DCX: variants seen among roughly 807,000 people sequenced by gnomAD.
The protein encoded by DCX is doublecortin, also known as neuronal migration protein doublecortin.
Under a neutral mutation model 20.9 loss-of-function variants are expected in DCX, and 4 were observed. That is an observed-to-expected ratio of 0.19 (90% CI 0.09 to 0.44). DCX has a LOEUF of 0.44. DCX is among the 20% of genes least tolerant of loss of function. The probability of loss-of-function intolerance (pLI) is 0.99; values close to 1 mark genes in which losing one functional copy is unlikely to be tolerated. For synonymous variants in DCX, 103 were observed against 111.4 expected (o/e 0.92, Z 0.47); for missense variants, 133 against 296.9 (o/e 0.45, Z 4.06).
intron 5 of DCX, among the ~76,000 whole-genome samples, chrX:111,315,043 A>G (rs1190063234): frequency 1.8e-5 from 2 of 108,873 alleles, no homozygotes; most frequent in South Asian, 4.0e-4. Context: ...GCCCACGCCT[A>G]TGTCCTGAAT....
chrX:111,359,966 G>A (rs939477874), intron 3 of DCX, among the ~76,000 whole-genome samples: 4 of 111,746 alleles, frequency 3.6e-5, no homozygotes, highest in Non-Finnish European at 5.7e-5. Flanking sequence ...GGAAAATACC[G>A]TTTGATCCAG....
Position 111,393,673 on chromosome X carries a change from G to A in DCX, c.705+7317C>T, listed in dbSNP as rs776495306. Among the ~76,000 whole-genome samples the A allele has an allele frequency of 3.3e-3, 362 of 111,335 alleles. 3 individuals carry two copies. The highest frequency in any genetic ancestry group is 0.011 in the African/African-American group (332 of 30,750). On this transcript the variant is annotated intron_variant, in intron 3 of 6. Transcript: ENST00000636035. ...TAACTCAATTAAAGAATGGGAAAAT[G>A]ATCTGAACAGACATTTTTCCAAAGA...
rs775343533 is a variant in DCX, at chrX:111,296,873, G to A, written c.*4814C>T. 5.4e-5 allele frequency: 6 copies of A among 111,417 alleles called. No homozygotes were observed. The highest frequency in any genetic ancestry group is 2.0e-4 in the African/African-American group (6 of 30,622). The allele number at this position is 111,417 out of a possible 1,213,427, so 9.2% of individuals were successfully genotyped here. On this transcript the variant is annotated 3_prime_UTR_variant, in exon 7 of 7. Coordinates refer to ENST00000636035, the MANE Select transcript of DCX (RefSeq NM_001195553.2). ...GATCCTTAACAAGGAAACAAGGCAG[G>A]ACGCAACACTAAGAGTCTGGGTGTA...
intron 3 of DCX, among the ~76,000 whole-genome samples, chrX:111,348,548 G>A (rs1923029533): frequency 9.0e-6 from 1 of 111,346 alleles, no homozygotes; most frequent in Non-Finnish European, 1.9e-5. Context: ...TACATGCCCA[G>A]GACTGACACC....
chrX:111,352,469 C>T (rs1376919733), intron 3 of DCX, among the ~76,000 whole-genome samples: 1 of 111,922 alleles, frequency 8.9e-6, no homozygotes, highest in Non-Finnish European at 1.9e-5. Flanking sequence ...TTGTTCATTG[C>T]TATTTAGTTT....
rs1266356199 is a variant in DCX, at chrX:111,301,392, C to A, written c.*295G>T. The A allele has an allele frequency of 5.4e-6, 2 of 371,492 alleles. No individual in the cohort carries two copies. Among genetic ancestry groups the A allele is most frequent in the East Asian group, 4.7e-5 (1 of 21,470 alleles). The allele number at this position is 371,492 out of a possible 1,213,427, so 30.6% of individuals were successfully genotyped here. On this transcript the variant is annotated 3_prime_UTR_variant, in exon 7 of 7. Coordinates refer to ENST00000636035, the MANE Select transcript of DCX (RefSeq NM_001195553.2). ...TTAGACAGGGCAAATATAACGCAGG[C>A]ACCTAAGCTTTCCATTGAAAGGTCA...
chrX:111,410,639 G>A, intron 1 of DCX: 6 of 883,189 alleles, frequency 6.8e-6, no homozygotes, highest in Non-Finnish European at 8.3e-6. Context: ...GCTGGGCGGG[G>A]GTGCTGGTGG....
In DCX at chrX:111,297,164, C is replaced by CT. The variant is rs1023186398; in HGVS notation, c.*4522dup. 15 of 112,028 alleles carry CT rather than the reference C, an allele frequency of 1.3e-4. No homozygotes were observed. Among genetic ancestry groups the CT allele is most frequent in the Non-Finnish European group, 2.6e-4 (14 of 53,253 alleles). 9.2% of individuals were successfully genotyped at this position (112,028 alleles called of 1,213,427 possible). On this transcript the variant is annotated 3_prime_UTR_variant, in exon 7 of 7. Transcript: ENST00000636035. ...GTGGCCAAAGACAGGTTCCAATCATCTTTTTAAAAAATCAATGCCTTTTAT... is the reference window on the plus strand; with the variant it reads ...GTGGCCAAAGACAGGTTCCAATCATCTTTTTTAAAAAATCAATGCCTTTTAT...
At position 111,301,336 on chromosome X, in the gene DCX, C is replaced by A; in HGVS notation, c.*351G>T. Reference sequence around the variant, plus strand: ...TTTAAGTGCTGTATATGTAAACAGCCCTCTACAGAAGGAAGACTGTATGGG... The same window carrying A: ...TTTAAGTGCTGTATATGTAAACAGCACTCTACAGAAGGAAGACTGTATGGG... On this transcript the variant is annotated 3_prime_UTR_variant, in exon 7 of 7. Coordinates refer to ENST00000636035, the MANE Select transcript of DCX (RefSeq NM_001195553.2). 3.9e-6 allele frequency: 1 copy of A among 256,807 alleles called. No individual in the cohort carries two copies. Among genetic ancestry groups the A allele is most frequent in the Non-Finnish European group, 7.1e-6 (1 of 140,958 alleles). The allele number at this position is 256,807 out of a possible 1,213,427, so 21.2% of individuals were successfully genotyped here.
rs2095017274 is a variant in DCX, at chrX:111,295,100, C to A, written c.*6587G>T. On this transcript the variant is annotated 3_prime_UTR_variant, in exon 7 of 7. Coordinates refer to ENST00000636035, the MANE Select transcript of DCX (RefSeq NM_001195553.2). ...ATTGGCTTCAAGCTGCAATATATTA[C>A]AGGACCATACATTGGAGACATTTTG... 1 of 112,721 alleles carries A rather than the reference C, an allele frequency of 8.9e-6. No individual in the cohort carries two copies. The highest frequency in any genetic ancestry group is 9.4e-5 in the Admixed American group (1 of 10,664). 9.3% of individuals were successfully genotyped at this position (112,721 alleles called of 1,213,427 possible). A position where few individuals can be genotyped will look rare whatever the true frequency, so the allele number is the denominator to read the frequency against.
At chrX:111,328,492 G>T (rs1016047101) in intron 5 of DCX, among the ~76,000 whole-genome samples, 6 of 111,736 alleles carry the variant, frequency 5.4e-5, no homozygotes, top group African/African-American at 1.6e-4. Context: ...ATTGGATGCA[G>T]TCTGCAAAGA....
chrX:111,401,353 A>C, intron 2 of DCX, 23 bp from the exon 3 acceptor site: 6 of 1,151,824 alleles, frequency 5.2e-6, no homozygotes, highest in Non-Finnish European at 7.1e-6. Flanking sequence ...ATAAGTGATT[A>C]GGTGATTAGT....
chrX:111,307,245 C>T (rs1425454503), intron 6 of DCX, among the ~76,000 whole-genome samples: 2 of 107,305 alleles, frequency 1.9e-5, no homozygotes, highest in Non-Finnish European at 3.8e-5. Context: ...AATATGCAGC[C>T]GTACACAGCA....
intron 3 of DCX, among the ~76,000 whole-genome samples, chrX:111,347,133 G>T: frequency 9.0e-6 from 1 of 111,520 alleles, no homozygotes; most frequent in East Asian, 2.8e-4. Flanking sequence ...GTAGTAACAA[G>T]CAAGAGTAAG....
intron 5 of DCX, among the ~76,000 whole-genome samples, chrX:111,329,326 T>C (rs1435668360): frequency 8.9e-6 from 1 of 111,843 alleles, no homozygotes; most frequent in African/African-American, 3.3e-5. Context: ...TCTAGCACCA[T>C]GTTGGGTAAA....
intron 5 of DCX, among the ~76,000 whole-genome samples, chrX:111,328,721 G>T (rs917947552): frequency 9.0e-6 from 1 of 111,220 alleles, no homozygotes; most frequent in African/African-American, 3.3e-5. Flanking sequence ...ATCACAAAAG[G>T]CAATACATCT....
At chrX:111,309,067 A>G (rs765635241) in intron 6 of DCX, among the ~76,000 whole-genome samples, 1 of 112,171 alleles carries the variant, frequency 8.9e-6, no homozygotes, top group Non-Finnish European at 1.9e-5. Context: ...AGAAAAAAGC[A>G]GTATGAAAAT....
At position 111,410,341 on chromosome X, in the gene DCX, C is replaced by A. The variant is rs1401318188; in HGVS notation, c.58G>T (p.Gly20Cys). Residue 20 changes from glycine (G) to cysteine (C), a missense_variant, in exon 2 of 7, where the codon GGC becomes TGC. Physicochemically the swap from Gly to Cys is radical, Grantham distance 159. Transcript: ENST00000636035. ...ERDKTSRNMR[G>C]SRMNGLPSPT... ...CTAGGCAACCCATTCATCCGGGAGCCTCGCATGTTCCTGGATGTCTTATCT... is the reference window on the plus strand; with the variant it reads ...CTAGGCAACCCATTCATCCGGGAGCATCGCATGTTCCTGGATGTCTTATCT... 2 of 1,209,191 alleles carry A rather than the reference C, an allele frequency of 1.7e-6. No homozygotes were observed. Among genetic ancestry groups the A allele is most frequent in the African/African-American group, 3.5e-5 (2 of 56,906 alleles).
chrX:111,394,000 G>A (rs1927144601), intron 3 of DCX, among the ~76,000 whole-genome samples: 1 of 111,378 alleles, frequency 9.0e-6, no homozygotes, highest in Non-Finnish European at 1.9e-5. Context: ...ATATTTACCC[G>A]AGATAAATGA....
Sources: gnomAD v4.1 joint callset for allele counts (sites outside exome capture counted in the v4.1 genomes callset) on GRCh38, gnomAD v4.1.1 for gene constraint, MANE v1.5 for transcripts, NCBI Gene and HGNC (gene_info 2026-07-23, HGNC 2026-07-21) for gene names.